ADAM22: variants seen among roughly 807,000 people sequenced by gnomAD.
ADAM22 encodes the protein ADAM metallopeptidase domain 22.
ADAM22 carries 65 observed loss-of-function variants against 144.6 expected under a neutral mutation model. The observed-to-expected ratio is 0.45, with a 90% confidence interval of 0.37 to 0.55. The LOEUF is 0.55. ADAM22 is among the 20% of genes least tolerant of loss of function. The probability of loss-of-function intolerance (pLI) is 0.00; values close to 1 mark genes in which losing one functional copy is unlikely to be tolerated. For missense variants in ADAM22, 974 were observed against 1,184.9 expected, an observed-to-expected ratio of 0.82 and a Z score of 2.61; for synonymous variants, 391 against 412.6, an observed-to-expected ratio of 0.95 and a Z score of 0.63.
chr7:87,959,545 C>G (rs1242319865), intron 2 of ADAM22, among the ~76,000 whole-genome samples: 1 of 152,144 alleles, frequency 6.6e-6, no homozygotes, highest in Non-Finnish European at 1.5e-5. Flanking sequence ...TAGCTTTGGT[C>G]TCACTGCAGG....
At chr7:88,152,257 G>GT (rs774781418) in intron 20 of ADAM22, among the ~76,000 whole-genome samples, 6 of 152,006 alleles carry the variant, frequency 3.9e-5, no homozygotes, top group Non-Finnish European at 7.4e-5. Context: ...CATAACTATT[G>GT]TTTTTTTTAA....
chr7:88,101,704 G>A (rs987546156), intron 4 of ADAM22, among the ~76,000 whole-genome samples: 1 of 152,198 alleles, frequency 6.6e-6, no homozygotes, highest in African/African-American at 2.4e-5. Context: ...AAGAAACAGA[G>A]TGGAGTACTA....
chr7:88,189,394 C>A (rs1849077391), intron 30 of ADAM22, among the ~76,000 whole-genome samples: 1 of 152,170 alleles, frequency 6.6e-6, no homozygotes, highest in African/African-American at 2.4e-5. Context: ...CGAATAATTA[C>A]AACTATCATG....
intron 3 of ADAM22, among the ~76,000 whole-genome samples, chr7:88,016,093 T>G (rs570923368): frequency 5.9e-5 from 9 of 152,232 alleles, no homozygotes; most frequent in African/African-American, 1.9e-4. Context: ...AAATGAGGAG[T>G]CCTGGGTCCC....
chr7:87,988,781 G>A (rs1049702220), intron 3 of ADAM22, among the ~76,000 whole-genome samples: 12 of 152,140 alleles, frequency 7.9e-5, no homozygotes, highest in Admixed American at 7.9e-4. Flanking sequence ...GATAGAAGTA[G>A]CGAGTAGGCC....
intron 14 of ADAM22, among the ~76,000 whole-genome samples, chr7:88,138,577 A>G (rs950748099): frequency 2.0e-5 from 3 of 152,220 alleles, no homozygotes; most frequent in Admixed American, 1.3e-4. Context: ...GAAGTTCTGT[A>G]CAGCTAAATA....
intron 4 of ADAM22, among the ~76,000 whole-genome samples, chr7:88,078,717 C>A (rs989539435): frequency 6.6e-6 from 1 of 151,716 alleles, no homozygotes; most frequent in African/African-American, 2.4e-5. Flanking sequence ...CCTCAGTAAC[C>A]GATGTGATCA....
intron 4 of ADAM22, among the ~76,000 whole-genome samples, chr7:88,092,336 G>C (rs559138642): frequency 1.3e-5 from 2 of 152,292 alleles, no homozygotes; most frequent in East Asian, 3.9e-4. Context: ...CAAGCAGGAA[G>C]AGAGTAAAAG....
chr7:88,099,134 C>T (rs1822232598), intron 4 of ADAM22, among the ~76,000 whole-genome samples: 1 of 152,158 alleles, frequency 6.6e-6, no homozygotes, highest in Non-Finnish European at 1.5e-5. Context: ...GTAATGGAGT[C>T]TTACTCTTAA....
intron 29 of ADAM22, 133 bp from the exon 30 acceptor site, chr7:88,186,482 A>G (rs1173089027): frequency 2.7e-6 from 2 of 730,244 alleles, no homozygotes; most frequent in East Asian, 4.9e-5. Context: ...TAATCACCCA[A>G]CATCCATTCT....
intron 2 of ADAM22, among the ~76,000 whole-genome samples, chr7:87,954,371 G>A (rs912187804): frequency 1.3e-5 from 2 of 152,064 alleles, no homozygotes; most frequent in Non-Finnish European, 2.9e-5. Context: ...TTGCTTGTCT[G>A]TAAAGTATTT....
At chr7:88,183,269 T>G (rs998606951) in intron 29 of ADAM22, among the ~76,000 whole-genome samples, 4 of 152,230 alleles carry the variant, frequency 2.6e-5, no homozygotes, top group African/African-American at 9.6e-5. Flanking sequence ...GAATGTTGTT[T>G]GGTTTGTTTT....
intron 24 of ADAM22, among the ~76,000 whole-genome samples, chr7:88,167,726 C>T (rs1015222949): frequency 2.6e-5 from 4 of 152,036 alleles, no homozygotes; most frequent in African/African-American, 7.2e-5. Context: ...CACACAAAAC[C>T]GAGAGCAGTA....
At chr7:88,108,798 A>G (rs954184143) in intron 5 of ADAM22, among the ~76,000 whole-genome samples, 7 of 152,126 alleles carry the variant, frequency 4.6e-5, no homozygotes, top group Non-Finnish European at 8.8e-5. Context: ...GAAAAAATAT[A>G]TATTGTCAAG....
intron 18 of ADAM22, among the ~76,000 whole-genome samples, chr7:88,150,539 G>T (rs1340139185): frequency 6.6e-6 from 1 of 152,084 alleles, no homozygotes; most frequent in Non-Finnish European, 1.5e-5. Flanking sequence ...CAAAAGAAAG[G>T]AAACTAGTTA....
At chr7:88,095,251 A>T (rs769114281) in intron 4 of ADAM22, among the ~76,000 whole-genome samples, 3 of 152,202 alleles carry the variant, frequency 2.0e-5, no homozygotes, top group Admixed American at 2.0e-4. Flanking sequence ...TGTAAATTCC[A>T]TAAGAAGTTC....
intron 20 of ADAM22, among the ~76,000 whole-genome samples, chr7:88,152,065 A>G (rs1344180307): frequency 6.6e-6 from 1 of 152,218 alleles, no homozygotes; most frequent in Non-Finnish European, 1.5e-5. Context: ...TAATAGTTAT[A>G]AGTAGGTGCC....
At chr7:88,087,358 G>A (rs923687218) in intron 4 of ADAM22, among the ~76,000 whole-genome samples, 1 of 152,112 alleles carries the variant, frequency 6.6e-6, no homozygotes, top group African/African-American at 2.4e-5. Context: ...CTCAAATTCA[G>A]TTATGCATTT....
At chr7:88,130,561 C>A in intron 10 of ADAM22, 102 bp downstream of exon 10, 1 of 1,141,862 alleles carries the variant, frequency 8.8e-7, no homozygotes, top group Non-Finnish European at 1.2e-6. Context: ...CTCTATGTTG[C>A]ACTTCAGCCA....
Sources: allele counts gnomAD v4.1 joint callset (sites outside exome capture counted in the v4.1 genomes callset), GRCh38; gene constraint gnomAD v4.1.1; transcripts MANE v1.5; gene names NCBI Gene and HGNC (gene_info 2026-07-23, HGNC 2026-07-21).